CAMKK1: variants seen among roughly 807,000 people sequenced by gnomAD.
CAMKK1 encodes calcium/calmodulin dependent protein kinase kinase 1, also known as calcium/calmodulin-dependent protein kinase kinase 1.
CAMKK1 carries 20 observed loss-of-function variants against 63.5 expected under a neutral mutation model. The ratio of observed to expected loss-of-function variants is 0.32; its 90% confidence interval spans 0.22 to 0.46. The LOEUF is 0.46. CAMKK1 is among the 20% of genes least tolerant of loss of function. The pLI is 1.00. For missense variants in CAMKK1, 588 were observed against 658.1 expected (o/e 0.89, Z 1.17); for synonymous variants, 253 against 269.0 (o/e 0.94, Z 0.58).
chr17:3,884,619 T>A lies in CAMKK1; in HGVS notation c.361-192A>T, dbSNP rs1323126455. On this transcript the variant is annotated intron_variant, in intron 2 of 15. Coordinates refer to ENST00000348335, the MANE Select transcript of CAMKK1 (RefSeq NM_032294.3). The surrounding 1 kb of genome is among the most constrained non-coding windows in gnomAD (Gnocchi z 4.5). Reference sequence around the variant, plus strand: ...CCCGTATGTGACGAGAAGACGTGGCTCATGTTTGAAAACATGGATGGTGAC... The same window carrying A: ...CCCGTATGTGACGAGAAGACGTGGCACATGTTTGAAAACATGGATGGTGAC... Among the ~76,000 whole-genome samples, 3 of 152,232 alleles carry A rather than the reference T, an allele frequency of 2.0e-5. No individual in the cohort carries two copies. The highest frequency in any genetic ancestry group is 7.2e-5 in the African/African-American group (3 of 41,452).
In CAMKK1 at chr17:3,890,561, T is replaced by C; in HGVS notation, c.-44+2378A>G. On this transcript the variant is annotated intron_variant, in intron 1 of 15. Coordinates refer to ENST00000348335, the MANE Select transcript of CAMKK1 (RefSeq NM_032294.3). The surrounding 1 kb of genome is among the most constrained non-coding windows in gnomAD (Gnocchi z 6.5). ...TCTTCCCCAAACCTGCTCGTCCTCC[T>C]CTGTCTCCATTGCGAGACGGGTACC... 1 of 752,594 alleles carries C rather than the reference T, an allele frequency of 1.3e-6. No individual in the cohort carries two copies. The highest frequency in any genetic ancestry group is 2.5e-6 in the Non-Finnish European group (1 of 401,760). 46.6% of individuals were successfully genotyped at this position (752,594 alleles called of 1,614,324 possible).
chr17:3,869,644 G>A (rs1426630624), intron 13 of CAMKK1, 29 bp from the exon 14 acceptor site: 1 of 1,613,986 alleles, frequency 6.2e-7, no homozygotes, highest in African/African-American at 1.3e-5. Context: ...CAGGGAGAGG[G>A]GGAGAGGTCA....
In CAMKK1 at chr17:3,889,750, C is replaced by T. The variant is rs1049760418; in HGVS notation, c.-44+3189G>A. Among the ~76,000 whole-genome samples, 2 of 152,156 alleles carry T rather than the reference C, an allele frequency of 1.3e-5. No individual in the cohort carries two copies. Among genetic ancestry groups the T allele is most frequent in the Admixed American group, 6.5e-5 (1 of 15,280 alleles). ...AGGTTTTTCCTCCCAGGCTGTGCCC[C>T]ACCCCCCAAGCGTCTGGCCACTCCC... On this transcript the variant is annotated intron_variant, in intron 1 of 15. Coordinates refer to ENST00000348335, the MANE Select transcript of CAMKK1 (RefSeq NM_032294.3). This position sits in a 1 kb window ranked among gnomAD's most constrained non-coding sequence, Gnocchi z 5.2.
Position 3,882,241 on chromosome 17 carries a change from T to C in CAMKK1, c.685+287A>G. 1.3e-6 allele frequency: 2 copies of C among 1,579,936 alleles called. No individual in the cohort carries two copies. Among genetic ancestry groups the C allele is most frequent in the Non-Finnish European group, 1.7e-6 (2 of 1,153,494 alleles). The stretch of plus-strand genomic sequence containing the variant: ...ACAGTGTCTGGGAACCCATGCAGCC[T>C]GCTTCCTGCATCTACCTGAGCGCGC... On this transcript the variant is annotated intron_variant, in intron 7 of 15. Coordinates refer to ENST00000348335, the MANE Select transcript of CAMKK1 (RefSeq NM_032294.3). The surrounding 1 kb of genome is among the most constrained non-coding windows in gnomAD (Gnocchi z 4.3).
At chr17:3,872,945 A>G (rs191531514) in intron 11 of CAMKK1, among the ~76,000 whole-genome samples, 13 of 152,250 alleles carry the variant, frequency 8.5e-5, no homozygotes, top group Admixed American at 7.2e-4. Context: ...GCTTGGGAAC[A>G]TGTTCACTGA....
At chr17:3,886,623 C>T (rs544402488) in intron 1 of CAMKK1, among the ~76,000 whole-genome samples, 61 of 152,090 alleles carry the variant, frequency 4.0e-4, no homozygotes, top group African/African-American at 1.4e-3. Context: ...CGGAGCAAGA[C>T]TCGGTTTCAA....
chr17:3,883,546 T>G lies in CAMKK1; in HGVS notation c.463-66A>C, dbSNP rs934748821. ...CCAGGGGCTAGAACAGGCTGGTACA[T>G]GTGGACTGAGGTCCGGAGAGGCACA... On this transcript the variant is annotated intron_variant, in intron 4 of 15. Coordinates refer to ENST00000348335, the MANE Select transcript of CAMKK1 (RefSeq NM_032294.3). The surrounding 1 kb of genome is among the most constrained non-coding windows in gnomAD (Gnocchi z 4.7). 3.1e-5 allele frequency: 41 copies of G among 1,321,176 alleles called. No individual in the cohort carries two copies. The highest frequency in any genetic ancestry group is 1.0e-4 in the African/African-American group (7 of 68,984). The allele number at this position is 1,321,176 out of a possible 1,614,324, so 81.8% of individuals were successfully genotyped here.
chr17:3,877,657 A>G (rs2143849778), intron 9 of CAMKK1, among the ~76,000 whole-genome samples: 2 of 152,298 alleles, frequency 1.3e-5, no homozygotes, highest in South Asian at 4.2e-4. Context: ...CCGTATAACA[A>G]TAACCATAAA....
In CAMKK1 at chr17:3,882,184, T is replaced by A; in HGVS notation, c.685+344A>T. ...GAGGTAGACACCACTAGTATCCCTG[T>A]TTTATAGGTGGGAAAACTGAGGCAC... On this transcript the variant is annotated intron_variant, in intron 7 of 15. Transcript: ENST00000348335. The surrounding 1 kb of genome is among the most constrained non-coding windows in gnomAD (Gnocchi z 4.3). 1 of 1,065,764 alleles carries A rather than the reference T, an allele frequency of 9.4e-7. No homozygotes were observed. The highest frequency in any genetic ancestry group is 1.4e-6 in the Non-Finnish European group (1 of 714,268). The allele number at this position is 1,065,764 out of a possible 1,614,324, so 66.0% of individuals were successfully genotyped here.
At chr17:3,869,701 A>G in intron 13 of CAMKK1, 86 bp from the exon 14 acceptor site, 1 of 1,604,562 alleles carries the variant, frequency 6.2e-7, no homozygotes, top group East Asian at 2.2e-5. Context: ...CACAGACTCA[A>G]ACCCAACACA....
At chr17:3,891,684 G>A (rs906346688) in intron 1 of CAMKK1, among the ~76,000 whole-genome samples, 2 of 152,196 alleles carry the variant, frequency 1.3e-5, no homozygotes, top group Non-Finnish European at 2.9e-5. Flanking sequence ...TGGCCTCAGG[G>A]ATGGCTTCCT....
chr17:3,889,094 G>A lies in CAMKK1; in HGVS notation c.-43-3364C>T, dbSNP rs2055789572. The stretch of plus-strand genomic sequence containing the variant: ...GCGCCCCTGGGGGCCCTGGGAGCCT[G>A]ATCCCAGAGCTCATATCTGGACTTT... On this transcript the variant is annotated intron_variant, in intron 1 of 15. Coordinates refer to ENST00000348335, the MANE Select transcript of CAMKK1 (RefSeq NM_032294.3). This position sits in a 1 kb window ranked among gnomAD's most constrained non-coding sequence, Gnocchi z 5.2. Among the ~76,000 whole-genome samples the A allele has an allele frequency of 1.3e-5, 2 of 152,128 alleles. No individual in the cohort carries two copies. The highest frequency in any genetic ancestry group is 4.1e-4 in the South Asian group (2 of 4,830).
intron 14 of CAMKK1, 65 bp from the exon 15 acceptor site, chr17:3,866,076 C>G (rs1371741835): frequency 1.9e-6 from 3 of 1,574,824 alleles, no homozygotes; most frequent in Non-Finnish European, 2.6e-6. Flanking sequence ...GCCTCTGCTC[C>G]GATTCCCCGA....
At position 3,862,103 on chromosome 17, in the gene CAMKK1, C is replaced by A; in HGVS notation, c.*108G>T. The stretch of plus-strand genomic sequence containing the variant: ...CGATGGGGGAGGGGCGGGAGTGGGG[C>A]TGCAGTCCCCAGCCCCCTGCCTGCG... On this transcript the variant is annotated 3_prime_UTR_variant, in exon 16 of 16. Transcript: ENST00000348335. This position sits in a 1 kb window ranked among gnomAD's most constrained non-coding sequence, Gnocchi z 4.1. The A allele has an allele frequency of 1.2e-6, 1 of 837,670 alleles. No individual in the cohort carries two copies. Among genetic ancestry groups the A allele is most frequent in the Non-Finnish European group, 1.9e-6 (1 of 523,608 alleles). 51.9% of individuals were successfully genotyped at this position (837,670 alleles called of 1,614,324 possible).
chr17:3,862,260 C>T lies in CAMKK1; in HGVS notation c.1469G>A (p.Gly490Asp), dbSNP rs867287728. 3 of 1,588,242 alleles carry T rather than the reference C, an allele frequency of 1.9e-6. No homozygotes were observed. The highest frequency in any genetic ancestry group is 2.7e-5 in the African/African-American group (2 of 74,360). Reference sequence around the variant, plus strand: ...GACGCCGGGGAGCTCTGGGCTCTTGCCCCCTTCACCAAACCCTTCTTTCCT... The same window carrying T: ...GACGCCGGGGAGCTCTGGGCTCTTGTCCCCTTCACCAAACCCTTCTTTCCT... ...LLVKEGFGEG[G>D]KSPELPGVQE... Residue 490 changes from glycine to aspartate, a missense_variant, in exon 16 of 16, where the codon GGC (glycine) becomes GAC (aspartate). Gly to Asp is a moderately conservative substitution (Grantham distance 94). Transcript: ENST00000348335. The surrounding 1 kb of genome is among the most constrained non-coding windows in gnomAD (Gnocchi z 4.1).
At chr17:3,869,645 G>T (rs775683438) in intron 13 of CAMKK1, 30 bp from the exon 14 acceptor site, 4 of 1,613,964 alleles carry the variant, frequency 2.5e-6, no homozygotes, top group Non-Finnish European at 2.5e-6. Flanking sequence ...AGGGAGAGGG[G>T]GAGAGGTCAG....
chr17:3,890,734 C>G lies in CAMKK1; in HGVS notation c.-44+2205G>C, dbSNP rs747772242. The G allele has an allele frequency of 1.3e-6, 1 of 779,818 alleles. No individual in the cohort carries two copies. Among genetic ancestry groups the G allele is most frequent in the Non-Finnish European group, 2.4e-6 (1 of 417,978 alleles). The allele number at this position is 779,818 out of a possible 1,614,324, so 48.3% of individuals were successfully genotyped here. A position where few individuals can be genotyped will look rare whatever the true frequency, so the allele number is the denominator to read the frequency against. ...ACCACAGCTTCCCAAATTGCATACT[C>G]TGTTCTGCTGCCAGGCCTCAGTACA... is the stretch of plus-strand genomic sequence containing the variant. On this transcript the variant is annotated intron_variant, in intron 1 of 15. Coordinates refer to ENST00000348335, the MANE Select transcript of CAMKK1 (RefSeq NM_032294.3). This position sits in a 1 kb window ranked among gnomAD's most constrained non-coding sequence, Gnocchi z 6.5.
At chr17:3,891,535 G>A (rs144306066) in intron 1 of CAMKK1, among the ~76,000 whole-genome samples, 103 of 152,270 alleles carry the variant, frequency 6.8e-4, no homozygotes, top group African/African-American at 1.8e-3. Context: ...AGGTGCAAAC[G>A]CCATGAGGGG....
At chr17:3,888,652 G>T (rs1259288849) in intron 1 of CAMKK1, among the ~76,000 whole-genome samples, 1 of 152,228 alleles carries the variant, frequency 6.6e-6, no homozygotes, top group African/African-American at 2.4e-5. Flanking sequence ...GTGATTGCTC[G>T]GGACACGCTG....
Sources: gnomAD v4.1 joint callset for allele counts (sites outside exome capture counted in the v4.1 genomes callset) on GRCh38, gnomAD v4.1.1 for gene constraint, Gnocchi (gnomAD v3.1) non-coding constraint, MANE v1.5 for transcripts, NCBI Gene and HGNC (gene_info 2026-07-23, HGNC 2026-07-21) for gene names.